The following IL1RAPL2 variants were observed in gnomAD, a reference collection of about 807,000 sequenced individuals.
IL1RAPL2 encodes interleukin 1 receptor accessory protein like 2, also known as X-linked interleukin-1 receptor accessory protein-like 2.
Under a neutral mutation model 44.1 loss-of-function variants are expected in IL1RAPL2, and 3 were observed. That is an observed-to-expected ratio of 0.07 (90% CI 0.03 to 0.18). The LOEUF is 0.18. Ranked by LOEUF, IL1RAPL2 falls within the 10% of genes least tolerant of loss-of-function variation. The pLI is 1.00. For synonymous variants in IL1RAPL2, 181 were observed against 178.8 expected, an observed-to-expected ratio of 1.01 and a Z score of -0.10; for missense variants, 391 against 496.4, an observed-to-expected ratio of 0.79 and a Z score of 2.02.
intron 2 of IL1RAPL2, among the ~76,000 whole-genome samples, chrX:105,010,250 C>G (rs1293248337): frequency 9.0e-6 from 1 of 111,110 alleles, no homozygotes; most frequent in South Asian, 3.7e-4. Context: ...GTGCTTGGCA[C>G]CTTGGTAATG....
At chrX:105,078,589 C>G (rs1265689623) in intron 2 of IL1RAPL2, among the ~76,000 whole-genome samples, 2 of 112,036 alleles carry the variant, frequency 1.8e-5, no homozygotes, top group Admixed American at 9.4e-5. Context: ...AGACTGCAGA[C>G]GTTATTGCTG....
At chrX:105,071,771 A>G (rs1227873430) in intron 2 of IL1RAPL2, among the ~76,000 whole-genome samples, 1 of 112,155 alleles carries the variant, frequency 8.9e-6, no homozygotes, top group Non-Finnish European at 1.9e-5. Context: ...CAATGGGGAA[A>G]GGACTAGTCT....
intron 2 of IL1RAPL2, among the ~76,000 whole-genome samples, chrX:105,003,089 T>C (rs1440142777): frequency 9.0e-6 from 1 of 111,273 alleles, no homozygotes; most frequent in Non-Finnish European, 1.9e-5. Flanking sequence ...GATTTGCTTT[T>C]ACATCAGTGT....
intron 2 of IL1RAPL2, among the ~76,000 whole-genome samples, chrX:104,798,670 A>C (rs1323578207): frequency 1.8e-5 from 2 of 110,909 alleles, no homozygotes; most frequent in Non-Finnish European, 3.8e-5. Context: ...CGTCTCAAAA[A>C]AAAATTTACA....
At chrX:105,410,171 G>A (rs2035684484) in intron 5 of IL1RAPL2, among the ~76,000 whole-genome samples, 1 of 110,756 alleles carries the variant, frequency 9.0e-6, no homozygotes, top group African/African-American at 3.3e-5. Context: ...ATATAAAGAT[G>A]TTAGGTAGAT....
At chrX:105,084,019 G>A (rs1027599887) in intron 2 of IL1RAPL2, among the ~76,000 whole-genome samples, 5 of 112,454 alleles carry the variant, frequency 4.4e-5, no homozygotes, top group South Asian at 3.6e-4. Flanking sequence ...CATGGTGTTG[G>A]GCCTGCGGGA....
intron 2 of IL1RAPL2, among the ~76,000 whole-genome samples, chrX:105,142,897 G>A (rs990835949): frequency 3.6e-5 from 4 of 109,890 alleles, no homozygotes; most frequent in South Asian, 3.9e-4. Context: ...TTGTCCTTGC[G>A]ATAGTTTGCT....
chrX:104,610,725 T>C (rs1407670269), intron 1 of IL1RAPL2, among the ~76,000 whole-genome samples: 1 of 111,782 alleles, frequency 8.9e-6, no homozygotes, highest in African/African-American at 3.3e-5. Flanking sequence ...ATAGATTCAA[T>C]GCGATCCCCA....
In IL1RAPL2 at chrX:104,843,660, C is replaced by A. The variant is rs771419776; in HGVS notation, c.82+184665C>A. 5.5e-5 allele frequency among the ~76,000 whole-genome samples: 6 copies of A among 109,458 alleles called. No individual in the cohort carries two copies. The East Asian group carries it at 1.8e-3, about 32-fold the overall frequency. The stretch of plus-strand genomic sequence containing the variant: ...CCTGGGGGAGGGAGGTACCCCAGCT[C>A]CTTGCGCTTCCTGGGTGAAGTGACA... On this transcript the variant is annotated intron_variant, in intron 2 of 10. Transcript: ENST00000372582.
intron 6 of IL1RAPL2, among the ~76,000 whole-genome samples, chrX:105,511,719 A>G (rs1226384813): frequency 1.8e-5 from 2 of 111,864 alleles, no homozygotes; most frequent in Non-Finnish European, 3.8e-5. Flanking sequence ...AACTTTGAGA[A>G]TGACTGTCTT....
intron 2 of IL1RAPL2, among the ~76,000 whole-genome samples, chrX:104,747,821 G>A (rs1435638741): frequency 1.8e-5 from 2 of 111,198 alleles, no homozygotes; most frequent in African/African-American, 3.3e-5. Flanking sequence ...GGATGTGAAC[G>A]ATGTGTTGTA....
chrX:105,647,465 T>C (rs2037614810), intron 6 of IL1RAPL2, among the ~76,000 whole-genome samples: 1 of 111,772 alleles, frequency 8.9e-6, no homozygotes, highest in Admixed American at 9.5e-5. Context: ...GATTATTTCT[T>C]TACCTCCTGC....
At chrX:105,385,290 A>G (rs780977238) in intron 5 of IL1RAPL2, among the ~76,000 whole-genome samples, 2 of 110,781 alleles carry the variant, frequency 1.8e-5, no homozygotes, top group Non-Finnish European at 3.8e-5. Flanking sequence ...CTCTTTACGC[A>G]TTCAATTCTT....
chrX:105,227,591 A>G (rs2034029828), intron 3 of IL1RAPL2, among the ~76,000 whole-genome samples: 1 of 111,903 alleles, frequency 8.9e-6, no homozygotes, highest in African/African-American at 3.2e-5. Context: ...TTTTCAATGT[A>G]TATAAACAGC....
At chrX:104,854,783 C>T (rs779356024) in intron 2 of IL1RAPL2, among the ~76,000 whole-genome samples, 1 of 110,814 alleles carries the variant, frequency 9.0e-6, no homozygotes, top group Admixed American at 9.6e-5. Context: ...GAGATATAAA[C>T]TGAGAATTAA....
intron 2 of IL1RAPL2, among the ~76,000 whole-genome samples, chrX:104,828,947 T>TC (rs1181191719): frequency 1.8e-5 from 2 of 112,102 alleles, no homozygotes; most frequent in African/African-American, 6.5e-5. Flanking sequence ...AACGGCCTAC[T>TC]CAAGTCTCAG....
chrX:104,997,561 C>T lies in IL1RAPL2; in HGVS notation c.83-197914C>T, dbSNP rs1182216460. Among the ~76,000 whole-genome samples the T allele has an allele frequency of 3.6e-5, 4 of 111,412 alleles. No homozygotes were observed. In the East Asian group the frequency reaches 8.6e-4, roughly 24 times the overall value. On this transcript the variant is annotated intron_variant, in intron 2 of 10. Transcript: ENST00000372582. ...GGATTGGAAGAGGCAATACTGGAAG[C>T]ATGGGAATTAATTAAGAGACTTTTT...
At chrX:105,151,026 G>T (rs1195676347) in intron 2 of IL1RAPL2, among the ~76,000 whole-genome samples, 1 of 112,072 alleles carries the variant, frequency 8.9e-6, no homozygotes. Context: ...TTTTCAAGTT[G>T]TTAGGAAATA....
intron 2 of IL1RAPL2, among the ~76,000 whole-genome samples, chrX:104,830,804 C>A (rs1168659625): frequency 8.9e-6 from 1 of 112,102 alleles, no homozygotes; most frequent in Non-Finnish European, 1.9e-5. Flanking sequence ...TGTACAGATT[C>A]TTTTATGTCC....
Sources: allele counts gnomAD v4.1 joint callset (sites outside exome capture counted in the v4.1 genomes callset), GRCh38; gene constraint gnomAD v4.1.1; transcripts MANE v1.5; gene names NCBI Gene and HGNC (gene_info 2026-07-23, HGNC 2026-07-21).